The following AKAP6 variants were observed in gnomAD, a reference collection of about 807,000 sequenced individuals.
AKAP6 encodes A-kinase anchor protein 6.
A neutral mutation model predicts 188.5 loss-of-function variants in AKAP6; 58 were observed. The observed-to-expected ratio is 0.31, with a 90% CI of 0.25 to 0.38. AKAP6 has a LOEUF of 0.38. AKAP6 is among the 10% of genes least tolerant of loss of function. AKAP6 has a pLI of 1.00. For synonymous variants in AKAP6, 989 were observed against 998.6 expected, an observed-to-expected ratio of 0.99 and a Z score of 0.18; for missense variants, 2,710 against 2,740.0, an observed-to-expected ratio of 0.99 and a Z score of 0.24.
chr14:32,686,154 G>A (rs1255792155), intron 8 of AKAP6, among the ~76,000 whole-genome samples: 2 of 152,134 alleles, frequency 1.3e-5, no homozygotes, highest in Non-Finnish European at 2.9e-5. Context: ...GATGGAGCTG[G>A]AGGTCATTAT....
At chr14:32,464,670 A>G in intron 2 of AKAP6, among the ~76,000 whole-genome samples, 1 of 152,166 alleles carries the variant, frequency 6.6e-6, no homozygotes, top group East Asian at 1.9e-4. Flanking sequence ...GAAACATCCC[A>G]TTTGAAAACC....
rs551618903 is a variant in AKAP6, at chr14:32,655,874, T to C, written c.2731-22437T>C. On this transcript the variant is annotated intron_variant, in intron 7 of 13. Transcript: ENST00000280979. ...TTGTCTAGGTAGGTTGCATGGACCA[T>C]ATTGTCCCAGATTTATGGTGATCAT... 3.9e-5 allele frequency among the ~76,000 whole-genome samples: 6 copies of C among 152,202 alleles called. No homozygotes were observed. In the East Asian group the frequency reaches 1.2e-3, roughly 29 times the overall value.
chr14:32,667,924 C>T (rs1889019208), intron 7 of AKAP6, among the ~76,000 whole-genome samples: 1 of 151,990 alleles, frequency 6.6e-6, no homozygotes, highest in African/African-American at 2.4e-5. Context: ...CAGTGTTTGC[C>T]AGCATAATTG....
At chr14:32,375,183 A>C (rs962772639) in intron 1 of AKAP6, among the ~76,000 whole-genome samples, 3 of 152,206 alleles carry the variant, frequency 2.0e-5, no homozygotes, top group Non-Finnish European at 2.9e-5. Context: ...GTGGAGGCAA[A>C]GGCAGGGTTG....
At chr14:32,665,866 T>C (rs1394845176) in intron 7 of AKAP6, among the ~76,000 whole-genome samples, 3 of 152,174 alleles carry the variant, frequency 2.0e-5, no homozygotes, top group African/African-American at 7.2e-5. Context: ...TATGAATTAG[T>C]ATATCAGATA....
chr14:32,434,390 T>G (rs1255693782), intron 2 of AKAP6, among the ~76,000 whole-genome samples: 1 of 152,220 alleles, frequency 6.6e-6, no homozygotes, highest in East Asian at 1.9e-4. Flanking sequence ...TCAGAAGCCC[T>G]TTAAAAGCCT....
chr14:32,825,977 A>G (rs1226401980), intron 13 of AKAP6, among the ~76,000 whole-genome samples: 1 of 152,234 alleles, frequency 6.6e-6, no homozygotes, highest in Non-Finnish European at 1.5e-5. Flanking sequence ...TTTATTACAA[A>G]TACATCTTTT....
intron 1 of AKAP6, among the ~76,000 whole-genome samples, chr14:32,345,152 T>C (rs1440450224): frequency 2.0e-5 from 3 of 152,182 alleles, no homozygotes; most frequent in Non-Finnish European, 4.4e-5. Flanking sequence ...AATATTAAAA[T>C]TCATAGTTAA....
At chr14:32,659,047 A>G (rs898757774) in intron 7 of AKAP6, among the ~76,000 whole-genome samples, 7 of 152,104 alleles carry the variant, frequency 4.6e-5, no homozygotes, top group African/African-American at 9.7e-5. Context: ...ACAAGACACT[A>G]GCATGTTTTG....
intron 1 of AKAP6, among the ~76,000 whole-genome samples, chr14:32,419,732 A>G (rs1889776664): frequency 6.6e-6 from 1 of 152,074 alleles, no homozygotes; most frequent in Non-Finnish European, 1.5e-5. Context: ...AGCAAATGCA[A>G]CCTCATTATT....
intron 11 of AKAP6, among the ~76,000 whole-genome samples, chr14:32,751,921 G>T (rs2032155090): frequency 6.6e-6 from 1 of 152,144 alleles, no homozygotes; most frequent in South Asian, 2.1e-4. Flanking sequence ...TTCAAGACAT[G>T]AATTGTTTTC....
intron 4 of AKAP6, among the ~76,000 whole-genome samples, chr14:32,548,053 T>C (rs1883275398): frequency 1.3e-5 from 2 of 151,738 alleles, no homozygotes; most frequent in South Asian, 4.2e-4. Context: ...CTACATATAA[T>C]TTGTGTATGA....
intron 1 of AKAP6, among the ~76,000 whole-genome samples, chr14:32,427,765 A>G (rs955746484): frequency 2.0e-5 from 3 of 152,194 alleles, no homozygotes; most frequent in Non-Finnish European, 2.9e-5. Context: ...GTCCATATGA[A>G]TAGGTTCTAT....
intron 7 of AKAP6, among the ~76,000 whole-genome samples, chr14:32,646,480 G>A (rs1267106549): frequency 1.3e-5 from 2 of 152,042 alleles, no homozygotes; most frequent in Non-Finnish European, 2.9e-5. Context: ...TACCATAAGC[G>A]TTATATCAGA....
chr14:32,484,787 C>T lies in AKAP6; in HGVS notation c.325-50767C>T, dbSNP rs1397026885. ...TTTGTGGTTTGTAGAGAACAATCAA[C>T]GGTCGGCGAACATCAGTGGGATAAG... On this transcript the variant is annotated intron_variant, in intron 2 of 13. Transcript: ENST00000280979. The T allele has an allele frequency of 6.0e-5, 13 of 215,922 alleles. 4 individuals are homozygous for T. The highest frequency in any genetic ancestry group is 8.8e-5 in the Non-Finnish European group (13 of 148,450). 13.4% of individuals were successfully genotyped at this position (215,922 alleles called of 1,614,324 possible).
intron 7 of AKAP6, among the ~76,000 whole-genome samples, chr14:32,638,954 T>C (rs963645756): frequency 6.6e-6 from 1 of 152,112 alleles, no homozygotes; most frequent in African/African-American, 2.4e-5. Flanking sequence ...AAATGCTTTA[T>C]GAATTAGTGT....
intron 2 of AKAP6, among the ~76,000 whole-genome samples, chr14:32,460,484 G>A (rs1403185297): frequency 1.3e-5 from 2 of 152,194 alleles, no homozygotes; most frequent in African/African-American, 4.8e-5. Context: ...GCAAGGAGAT[G>A]TGGGGACCTC....
chr14:32,410,100 G>C (rs1594586630), intron 1 of AKAP6, among the ~76,000 whole-genome samples: 1 of 152,056 alleles, frequency 6.6e-6, no homozygotes, highest in Admixed American at 6.6e-5. Context: ...GCCCTGCAAA[G>C]TCACCTCTTC....
At chr14:32,732,386 C>T in intron 9 of AKAP6, 68 bp from the exon 10 acceptor site, 1 of 1,522,136 alleles carries the variant, frequency 6.6e-7, no homozygotes, top group Non-Finnish European at 8.8e-7. Context: ...ATCACAAATT[C>T]TGTGTTCAAT....
Sources: gnomAD v4.1 joint callset for allele counts (sites outside exome capture counted in the v4.1 genomes callset) on GRCh38, gnomAD v4.1.1 for gene constraint, MANE v1.5 for transcripts, NCBI Gene and HGNC (gene_info 2026-07-23, HGNC 2026-07-21) for gene names.